CEP162: variants seen among roughly 807,000 people sequenced by gnomAD.
CEP162 encodes centrosomal protein of 162 kDa.
CEP162 carries 141 observed loss-of-function variants against 169.2 expected under a neutral mutation model. That is an observed-to-expected ratio of 0.83 (90% CI 0.73 to 0.96). The LOEUF (loss-of-function observed/expected upper bound fraction) is 0.96. CEP162 is among the 40% of genes least tolerant of loss of function. CEP162 has a pLI of 0.00. For synonymous variants in CEP162, 540 were observed against 526.4 expected (o/e 1.03, Z -0.35); for missense variants, 1,600 against 1,587.2 (o/e 1.01, Z -0.14).
rs546346380 is a variant in CEP162 at position 84,163,726 on chromosome 6, G to A, written c.2386-456C>T. On this transcript the variant is annotated intron_variant, in intron 18 of 26. Coordinates refer to ENST00000403245, the MANE Select transcript of CEP162 (RefSeq NM_014895.4). ...CATGCCTGTAATCTCAGTACTTTGG[G>A]AGGCCAAGGTGGGCGGATCACTTGA... Among the ~76,000 whole-genome samples the A allele has an allele frequency of 3.9e-5, 6 of 152,028 alleles. No individual in the cohort carries two copies. In the South Asian group the frequency reaches 1.2e-3, roughly 32 times the overall value.
At chr6:84,127,476 G>A (rs2099509409) in intron 25 of CEP162, among the ~76,000 whole-genome samples, 1 of 152,066 alleles carries the variant, frequency 6.6e-6, no homozygotes, top group African/African-American at 2.4e-5. Flanking sequence ...TAATTGGGAT[G>A]GTTTGCAGAG....
chr6:84,172,361 C>A (rs2099530485), intron 16 of CEP162, among the ~76,000 whole-genome samples: 1 of 152,138 alleles, frequency 6.6e-6, no homozygotes, highest in Admixed American at 6.5e-5. Flanking sequence ...AGAGATGGTG[C>A]CAATCTGCAC....
chr6:84,202,520 T>TTG (rs1236018545), intron 7 of CEP162, among the ~76,000 whole-genome samples: 1 of 81,600 alleles, frequency 1.2e-5, no homozygotes, highest in Non-Finnish European at 2.1e-5. Flanking sequence ...CTTTCTTTCT[T>TTG]TTTTTTTTTT....
chr6:84,185,234 C>G lies in CEP162; in HGVS notation c.1616G>C (p.Ser539Thr). 6.2e-7 allele frequency: 1 copy of G among 1,613,172 alleles called. No homozygotes were observed. The highest frequency in any genetic ancestry group is 2.2e-5 in the East Asian group (1 of 44,842). ...EKKTSEDIIK[S>T]KNLRSISTSN... ...GGTAGAAATCGATCTCAAGTTTTTGCTTTTTATAATGTCCTCTGAAGTTTT... is the reference window on the plus strand; with the variant it reads ...GGTAGAAATCGATCTCAAGTTTTTGGTTTTTATAATGTCCTCTGAAGTTTT... The change falls in exon 13 of 27, where the codon AGC becomes ACC. Residue 539 changes from serine to threonine, a missense_variant. Coordinates refer to ENST00000403245, the MANE Select transcript of CEP162 (RefSeq NM_014895.4).
In CEP162 at chr6:84,174,835, T is replaced by C. The variant is rs766716920; in HGVS notation, c.1917A>G (p.Thr639=). 1.9e-6 allele frequency: 3 copies of C among 1,606,858 alleles called. No homozygotes were observed. Among genetic ancestry groups the C allele is most frequent in the Admixed American group, 3.4e-5 (2 of 59,288 alleles). ...AQALIEQIKA[T]FSEKEKELEN... ...CTAGTTCTTTCTCCTTTTCTGAGAA[T>C]GTGGCTTTAATTTGCTCAATTAGGG... is the stretch of plus-strand genomic sequence containing the variant. Residue 639 remains threonine, a synonymous_variant, in exon 15 of 27, where the codon ACA becomes ACG. Coordinates refer to ENST00000403245, the MANE Select transcript of CEP162 (RefSeq NM_014895.4).
intron 2 of CEP162, among the ~76,000 whole-genome samples, chr6:84,224,981 GCTT>G (rs1312596320): frequency 6.6e-6 from 1 of 152,096 alleles, no homozygotes; most frequent in Non-Finnish European, 1.5e-5. Context: ...ATTGGTAGAT[GCTT>G]TTTTAAATCC....
rs1173297964 is a variant in CEP162, at chr6:84,149,662, G to C, written c.3671C>G (p.Ala1224Gly). ...DTAAHIASLKASHQREIEKLL... is the reference protein window; with the variant it reads ...DTAAHIASLKGSHQREIEKLL... Reference sequence around the variant, plus strand: ...TTTCTCTATTTCTCTCTGATGAGATGCTTTGAGGGATGCAATGTGTGCTGC... The same window carrying C: ...TTTCTCTATTTCTCTCTGATGAGATCCTTTGAGGGATGCAATGTGTGCTGC... Residue 1224 changes from alanine (A) to glycine (G), a missense_variant, in exon 24 of 27, where the codon GCA becomes GGA. Physicochemically the swap from Ala to Gly is moderately conservative, Grantham distance 60. Transcript: ENST00000403245. The C allele has an allele frequency of 1.9e-6, 3 of 1,589,362 alleles. No individual in the cohort carries two copies. Among genetic ancestry groups the C allele is most frequent in the Admixed American group, 3.5e-5 (2 of 57,128 alleles).
intron 20 of CEP162, among the ~76,000 whole-genome samples, chr6:84,161,449 C>G (rs2099525727): frequency 6.6e-6 from 1 of 152,116 alleles, no homozygotes; most frequent in Non-Finnish European, 1.5e-5. Flanking sequence ...GTTCAAGAAT[C>G]AGAGGAGCTC....
chr6:84,178,816 CA>C (rs1359946257), intron 13 of CEP162, among the ~76,000 whole-genome samples: 1 of 152,176 alleles, frequency 6.6e-6, no homozygotes, highest in East Asian at 1.9e-4. Context: ...CCGCTCCCCC[CA>C]ACCCCACGAC....
intron 9 of CEP162, among the ~76,000 whole-genome samples, chr6:84,198,141 C>A (rs1431745472): frequency 6.6e-6 from 1 of 152,080 alleles, no homozygotes; most frequent in Non-Finnish European, 1.5e-5. Flanking sequence ...TGAAAATTAA[C>A]CAATGTTTAA....
At chr6:84,158,625 C>T (rs969396115) in intron 21 of CEP162, among the ~76,000 whole-genome samples, 8 of 151,918 alleles carry the variant, frequency 5.3e-5, no homozygotes, top group African/African-American at 9.7e-5. Flanking sequence ...TTCTTTCACC[C>T]GAAAAATTCA....
intron 10 of CEP162, among the ~76,000 whole-genome samples, chr6:84,193,915 ATATC>A (rs781595162): frequency 7.9e-5 from 12 of 152,216 alleles, no homozygotes; most frequent in Non-Finnish European, 1.8e-4. Flanking sequence ...TTATCAAAAA[ATATC>A]TATACATACA....
chr6:84,131,621 TG>T (rs1322725053), intron 25 of CEP162, among the ~76,000 whole-genome samples: 4 of 152,200 alleles, frequency 2.6e-5, no homozygotes, highest in Non-Finnish European at 5.9e-5. Flanking sequence ...TGATCTTTGT[TG>T]GTTTAAAGTC....
intron 24 of CEP162, among the ~76,000 whole-genome samples, chr6:84,147,082 T>C (rs1356805254): frequency 2.0e-5 from 3 of 152,102 alleles, no homozygotes; most frequent in African/African-American, 7.2e-5. Flanking sequence ...AGCAAAGATA[T>C]GGAATCAATC....
chr6:84,212,929 T>C (rs2099550081), intron 6 of CEP162, 28 bp downstream of exon 6: 1 of 1,318,760 alleles, frequency 7.6e-7, no homozygotes, highest in East Asian at 2.5e-5. Flanking sequence ...TTTTCAAATA[T>C]TATAAATTTA....
At chr6:84,181,905 A>T (rs967244295) in intron 13 of CEP162, among the ~76,000 whole-genome samples, 15 of 152,252 alleles carry the variant, frequency 9.9e-5, no homozygotes, top group East Asian at 3.9e-4. Context: ...GTCTAAAATT[A>T]AAAAAGTTAA....
chr6:84,226,615 T>G (rs1033053851), intron 1 of CEP162, among the ~76,000 whole-genome samples, 163 bp from the exon 2 acceptor site: 1 of 152,196 alleles, frequency 6.6e-6, no homozygotes, highest in African/African-American at 2.4e-5. Context: ...GCAAACTGAT[T>G]TGGAAAAGCA....
intron 24 of CEP162, among the ~76,000 whole-genome samples, chr6:84,148,789 T>C (rs1192419286): frequency 1.3e-5 from 2 of 152,140 alleles, no homozygotes; most frequent in Non-Finnish European, 2.9e-5. Flanking sequence ...TAAACATTCA[T>C]ATATTTTTCA....
intron 2 of CEP162, among the ~76,000 whole-genome samples, chr6:84,223,661 C>T (rs1002567796): frequency 3.9e-5 from 6 of 151,966 alleles, no homozygotes; most frequent in Non-Finnish European, 5.9e-5. Flanking sequence ...AATCCCAGCA[C>T]TTTGAGAGGC....
Sources: allele counts gnomAD v4.1 joint callset (sites outside exome capture counted in the v4.1 genomes callset), GRCh38; gene constraint gnomAD v4.1.1; transcripts MANE v1.5; gene names NCBI Gene and HGNC (gene_info 2026-07-23, HGNC 2026-07-21).